FBXL17: variants seen among roughly 807,000 people sequenced by gnomAD.
FBXL17 encodes the protein F-box/LRR-repeat protein 17.
A neutral mutation model predicts 66.2 loss-of-function variants in FBXL17; 22 were observed. That is an observed-to-expected ratio of 0.33 (90% CI 0.24 to 0.47). FBXL17 has a LOEUF of 0.47. Ranked by LOEUF, FBXL17 falls within the 20% of genes least tolerant of loss-of-function variation. The pLI is 1.00. For missense variants in FBXL17, 878 were observed against 948.2 expected (o/e 0.93, Z 0.97); for synonymous variants, 474 against 400.5 (o/e 1.18, Z -2.19).
chr5:108,069,192 C>A (rs1172646451), intron 6 of FBXL17, among the ~76,000 whole-genome samples: 1 of 152,038 alleles, frequency 6.6e-6, no homozygotes, highest in Non-Finnish European at 1.5e-5. Flanking sequence ...GAGAACATGC[C>A]CTAAAATTTA....
At chr5:107,926,366 G>C (rs1750524076) in intron 7 of FBXL17, among the ~76,000 whole-genome samples, 1 of 152,030 alleles carries the variant, frequency 6.6e-6, no homozygotes, top group Non-Finnish European at 1.5e-5. Context: ...TTAAGTAACA[G>C]GTAGGGCTGC....
intron 3 of FBXL17, among the ~76,000 whole-genome samples, chr5:108,364,297 A>C (rs1473629980): frequency 1.3e-5 from 2 of 152,070 alleles, no homozygotes; most frequent in Non-Finnish European, 2.9e-5. Flanking sequence ...AAATAGAGGT[A>C]ATTAGGCCTT....
chr5:107,945,166 T>C (rs1751240842), intron 7 of FBXL17, among the ~76,000 whole-genome samples: 1 of 152,166 alleles, frequency 6.6e-6, no homozygotes. Context: ...AAAAAGGCTC[T>C]ACCTCATCAG....
chr5:107,999,649 CAT>C (rs978472612), intron 7 of FBXL17, among the ~76,000 whole-genome samples: 3 of 152,056 alleles, frequency 2.0e-5, no homozygotes, highest in Non-Finnish European at 4.4e-5. Context: ...CACACACACA[CAT>C]ACACACACAA....
chr5:108,377,872 A>G (rs1267187017), intron 1 of FBXL17, among the ~76,000 whole-genome samples: 1 of 152,234 alleles, frequency 6.6e-6, no homozygotes. Flanking sequence ...GTTAACAATC[A>G]ACATGTAGGG....
intron 4 of FBXL17, among the ~76,000 whole-genome samples, chr5:108,234,314 C>G (rs372935497): frequency 6.6e-6 from 1 of 152,140 alleles, no homozygotes. Flanking sequence ...AAGGCCTTAA[C>G]GTGTGCCCAG....
At chr5:108,217,082 T>A (rs1754636678) in intron 5 of FBXL17, among the ~76,000 whole-genome samples, 1 of 152,142 alleles carries the variant, frequency 6.6e-6, no homozygotes, top group Admixed American at 6.5e-5. Context: ...TCAGCCCGAT[T>A]GTTCCCAGGC....
intron 6 of FBXL17, among the ~76,000 whole-genome samples, chr5:108,105,848 A>G (rs1185399394): frequency 6.6e-6 from 1 of 152,210 alleles, no homozygotes; most frequent in Non-Finnish European, 1.5e-5. Context: ...AGGCAAAATT[A>G]TTTAATATCT....
At chr5:108,373,109 G>A (rs934485058) in intron 1 of FBXL17, among the ~76,000 whole-genome samples, 2 of 148,828 alleles carry the variant, frequency 1.3e-5, no homozygotes, top group Non-Finnish European at 3.0e-5. Flanking sequence ...AACCCCCAGG[G>A]TAAATACTAA....
chr5:108,284,446 G>A (rs985789997), intron 4 of FBXL17, among the ~76,000 whole-genome samples: 4 of 151,856 alleles, frequency 2.6e-5, no homozygotes, highest in African/African-American at 9.7e-5. Context: ...AACAAGCCAG[G>A]CACAGAAAGA....
rs573207159 is a variant in FBXL17, at chr5:107,966,542, C to T, written c.1822+54383G>A. On this transcript the variant is annotated intron_variant, in intron 7 of 8. Transcript: ENST00000542267. ...GTTTCCACTACCCACACCTTCACTA[C>T]CTGGCTCCCAATTTCTCAGACCTTT... 3.3e-5 allele frequency among the ~76,000 whole-genome samples: 5 copies of T among 152,268 alleles called. No individual in the cohort carries two copies. In the South Asian group the frequency reaches 1.0e-3, roughly 32 times the overall value.
chr5:108,167,815 T>A (rs895561900), intron 6 of FBXL17, among the ~76,000 whole-genome samples: 1 of 151,608 alleles, frequency 6.6e-6, no homozygotes. Context: ...CCTGAGAAAA[T>A]GTCATCAGAA....
At chr5:107,965,057 T>C (rs1189483379) in intron 7 of FBXL17, among the ~76,000 whole-genome samples, 1 of 152,152 alleles carries the variant, frequency 6.6e-6, no homozygotes, top group African/African-American at 2.4e-5. Flanking sequence ...TGTTCTCTTT[T>C]GTCTATATTG....
chr5:108,051,801 C>T (rs1747486442), intron 6 of FBXL17, among the ~76,000 whole-genome samples: 1 of 151,954 alleles, frequency 6.6e-6, no homozygotes, highest in East Asian at 1.9e-4. Flanking sequence ...ACATTGAAAC[C>T]TCATCTCCAC....
At chr5:108,223,886 T>G (rs527801020) in intron 5 of FBXL17, among the ~76,000 whole-genome samples, 1 of 152,314 alleles carries the variant, frequency 6.6e-6, no homozygotes, top group East Asian at 1.9e-4. Flanking sequence ...TTCTTTGATA[T>G]ATATTTCATA....
chr5:108,166,952 A>C (rs1373353156), intron 6 of FBXL17, among the ~76,000 whole-genome samples: 1 of 152,212 alleles, frequency 6.6e-6, no homozygotes, highest in African/African-American at 2.4e-5. Context: ...TGTAACTATT[A>C]AAATATGTTT....
At chr5:108,244,355 A>C (rs1291214599) in intron 4 of FBXL17, among the ~76,000 whole-genome samples, 2 of 152,114 alleles carry the variant, frequency 1.3e-5, no homozygotes, top group African/African-American at 2.4e-5. Context: ...AACCCTATGA[A>C]ATTACTGGAA....
intron 6 of FBXL17, among the ~76,000 whole-genome samples, chr5:108,025,851 T>C (rs1754801183): frequency 6.6e-6 from 1 of 152,046 alleles, no homozygotes; most frequent in Non-Finnish European, 1.5e-5. Context: ...TCATCCCCAC[T>C]AATTCATACG....
intron 7 of FBXL17, among the ~76,000 whole-genome samples, chr5:107,989,105 G>A (rs1243964925): frequency 6.6e-6 from 1 of 151,796 alleles, no homozygotes; most frequent in Non-Finnish European, 1.5e-5. Flanking sequence ...TGAGATATTC[G>A]TCACCCTAAA....
Sources: gnomAD v4.1 joint callset for allele counts (sites outside exome capture counted in the v4.1 genomes callset) on GRCh38, gnomAD v4.1.1 for gene constraint, MANE v1.5 for transcripts, NCBI Gene and HGNC (gene_info 2026-07-23, HGNC 2026-07-21) for gene names.